The following STARD13 variants were observed in gnomAD, a reference collection of about 807,000 sequenced individuals.
STARD13 encodes the protein StAR related lipid transfer domain containing 13, also known as stAR-related lipid transfer protein 13.
STARD13 carries 62 observed loss-of-function variants against 106.4 expected under a neutral mutation model. The ratio of observed to expected loss-of-function variants is 0.58; its 90% confidence interval spans 0.48 to 0.72. The LOEUF is 0.72. Ranked by LOEUF, STARD13 falls within the 30% of genes least tolerant of loss-of-function variation. The pLI is 0.00. For missense variants in STARD13, 1,387 were observed against 1,424.0 expected (o/e 0.97, Z 0.42); for synonymous variants, 565 against 553.0 (o/e 1.02, Z -0.31).
chr13:33,517,179 T>C, the STARD13 span, among the ~76,000 whole-genome samples: 1 of 151,966 alleles, frequency 6.6e-6, no homozygotes, highest in South Asian at 2.1e-4. Context: ...GCATCATAGG[T>C]TTTTATCACA....
At chr13:33,186,135 C>A in intron 1 of STARD13, 1 of 1,330,464 alleles carries the variant, frequency 7.5e-7, no homozygotes, top group Non-Finnish European at 1.0e-6. Flanking sequence ...GAAGCCTCAG[C>A]TGAGATTCCA....
At chr13:33,555,790 A>G in the STARD13 span, among the ~76,000 whole-genome samples, 1 of 152,236 alleles carries the variant, frequency 6.6e-6, no homozygotes, top group Non-Finnish European at 1.5e-5. Context: ...AGTATCTAAC[A>G]TCAGAATTAT....
chr13:33,621,898 G>A, the STARD13 span, among the ~76,000 whole-genome samples: 50 of 150,544 alleles, frequency 3.3e-4, no homozygotes, highest in African/African-American at 1.1e-3. Context: ...TCCCCCTCCC[G>A]GGTTCAAGCG....
At chr13:33,186,168 A>G in intron 1 of STARD13, 2 of 879,378 alleles carry the variant, frequency 2.3e-6, no homozygotes, top group Non-Finnish European at 3.3e-6. Flanking sequence ...TCCTTTCCTC[A>G]TTGTTTTCAT....
At chr13:33,601,049 T>G in the STARD13 span, among the ~76,000 whole-genome samples, 5 of 152,180 alleles carry the variant, frequency 3.3e-5, no homozygotes, top group Admixed American at 2.0e-4. Flanking sequence ...AATTCTACTA[T>G]TCTTGTCTTT....
the STARD13 span, among the ~76,000 whole-genome samples, chr13:33,669,994 T>G: frequency 1.3e-5 from 2 of 152,208 alleles, no homozygotes; most frequent in East Asian, 1.9e-4. Flanking sequence ...TTCTCCATAT[T>G]TACCCACAAA....
chr13:33,432,175 G>A, the STARD13 span, among the ~76,000 whole-genome samples: 1 of 152,130 alleles, frequency 6.6e-6, no homozygotes, highest in African/African-American at 2.4e-5. Flanking sequence ...AGGTTCTGAT[G>A]CTGGGAGAGA....
At chr13:33,430,119 A>G in the STARD13 span, among the ~76,000 whole-genome samples, 7 of 152,120 alleles carry the variant, frequency 4.6e-5, no homozygotes, top group East Asian at 5.8e-4. Context: ...GGGTTTCACC[A>G]TGTTAGCCAG....
the STARD13 span, among the ~76,000 whole-genome samples, chr13:33,591,060 C>T: frequency 6.6e-6 from 1 of 152,244 alleles, no homozygotes; most frequent in Non-Finnish European, 1.5e-5. Flanking sequence ...GCATTCATTT[C>T]ATTTTTAAGA....
chr13:33,630,283 A>AT, the STARD13 span, among the ~76,000 whole-genome samples: 1 of 151,866 alleles, frequency 6.6e-6, no homozygotes, highest in Non-Finnish European at 1.5e-5. Flanking sequence ...AGCTCCTCTC[A>AT]TTTTTTTGCA....
intron 1 of STARD13, among the ~76,000 whole-genome samples, chr13:33,340,236 C>T (rs1204302032): frequency 1.3e-5 from 2 of 152,164 alleles, no homozygotes; most frequent in African/African-American, 4.8e-5. Flanking sequence ...TAGGTTCTCA[C>T]ACTGTCACCC....
At chr13:33,113,315 C>T in intron 8 of STARD13, 1 of 369,304 alleles carries the variant, frequency 2.7e-6, no homozygotes, top group South Asian at 2.1e-5. Context: ...GCCCATCCTC[C>T]CTGACAGACA....
intron 1 of STARD13, among the ~76,000 whole-genome samples, chr13:33,192,349 G>A (rs1157918658): frequency 6.6e-6 from 1 of 152,174 alleles, no homozygotes; most frequent in Non-Finnish European, 1.5e-5. Flanking sequence ...TGTTGAATTT[G>A]TGGAATTTGT....
intron 7 of STARD13, among the ~76,000 whole-genome samples, chr13:33,121,965 C>T (rs1308034913): frequency 6.6e-6 from 1 of 152,108 alleles, no homozygotes; most frequent in South Asian, 2.1e-4. Context: ...CCTGCCTCAG[C>T]CCCCTGAGTA....
Position 33,130,401 on chromosome 13 carries a change from C to T in STARD13, c.388-112G>A. On this transcript the variant is annotated intron_variant, in intron 4 of 13. Transcript: ENST00000336934. This position sits in a 1 kb window ranked among gnomAD's most constrained non-coding sequence, Gnocchi z 4.1. ...CCTCCACCTCCCTCCCCTCTGTCCT[C>T]CCATGCACAGGTGTGAGCTTCTTGG... The T allele has an allele frequency of 9.7e-7, 1 of 1,035,130 alleles. No individual in the cohort carries two copies. Among genetic ancestry groups the T allele is most frequent in the South Asian group, 1.5e-5 (1 of 64,712 alleles). 64.1% of individuals were successfully genotyped at this position (1,035,130 alleles called of 1,614,324 possible). A position where few individuals can be genotyped will look rare whatever the true frequency, so the allele number is the denominator to read the frequency against.
chr13:33,230,794 C>CT (rs1888880006), intron 1 of STARD13, among the ~76,000 whole-genome samples: 1 of 152,198 alleles, frequency 6.6e-6, no homozygotes, highest in African/African-American at 2.4e-5. Context: ...GCAAAGTACT[C>CT]TTAAGTACCC....
chr13:33,458,262 T>C, the STARD13 span, among the ~76,000 whole-genome samples: 1 of 149,536 alleles, frequency 6.7e-6, no homozygotes, highest in Non-Finnish European at 1.5e-5. Context: ...TTTTTTTGTT[T>C]GTTTGTTTTT....
chr13:33,674,426 C>T, the STARD13 span, among the ~76,000 whole-genome samples: 1 of 152,162 alleles, frequency 6.6e-6, no homozygotes, highest in African/African-American at 2.4e-5. Context: ...AGACAAATGA[C>T]ATATTCTTTA....
chr13:33,256,081 A>G (rs74045748), intron 1 of STARD13, among the ~76,000 whole-genome samples: 3,743 of 152,336 alleles, frequency 0.025, 156 homozygotes, highest in African/African-American at 0.085. Context: ...AAAGGAGCCA[A>G]GTATACACTC....
Sources: gnomAD v4.1 joint callset for allele counts (sites outside exome capture counted in the v4.1 genomes callset) on GRCh38, gnomAD v4.1.1 for gene constraint, Gnocchi (gnomAD v3.1) non-coding constraint, MANE v1.5 for transcripts, NCBI Gene and HGNC (gene_info 2026-07-23, HGNC 2026-07-21) for gene names.